Variants in MECOM observed in about 807,000 individuals in gnomAD.
The protein encoded by MECOM is histone-lysine N-methyltransferase MECOM.
MECOM carries 13 observed loss-of-function variants against 116.3 expected under a neutral mutation model. That is an observed-to-expected ratio of 0.11 (90% confidence interval 0.07 to 0.18). MECOM has a LOEUF of 0.18. MECOM is among the 10% of genes least tolerant of loss of function. The pLI, the probability that MECOM is intolerant of heterozygous loss-of-function variation, is 1.00. For synonymous variants in MECOM, 528 were observed against 535.2 expected (o/e 0.99, Z 0.19); for missense variants, 1,299 against 1,509.0 (o/e 0.86, Z 2.31).
In MECOM at chr3:169,663,250, C is replaced by G. The variant is rs997666188; in HGVS notation, c.37+86G>C. Reference sequence around the variant, plus strand: ...CGGGGCCCCGGCGCAAGAGGCAGCCCGCGCTCCCTCCCGGAGCGCTAGAGA... The same window carrying G: ...CGGGGCCCCGGCGCAAGAGGCAGCCGGCGCTCCCTCCCGGAGCGCTAGAGA... On this transcript the variant is annotated intron_variant, in intron 1 of 16. Coordinates refer to ENST00000651503, the MANE Select transcript of MECOM (RefSeq NM_004991.4). 6 of 1,492,148 alleles carry G rather than the reference C, an allele frequency of 4.0e-6. No homozygotes were observed. In the African/African-American group the frequency reaches 5.6e-5, roughly 14 times the overall value. 92.4% of individuals were successfully genotyped at this position (1,492,148 alleles called of 1,614,324 possible). A position where few individuals can be genotyped will look rare whatever the true frequency, so the allele number is the denominator to read the frequency against.
intron 10 of MECOM, among the ~76,000 whole-genome samples, chr3:169,106,832 T>A (rs975010671): frequency 3.3e-5 from 5 of 152,130 alleles, no homozygotes; most frequent in Non-Finnish European, 7.4e-5. Flanking sequence ...ACTGGAAATG[T>A]AGGCCAGGAT....
chr3:169,573,032 G>A (rs1764102765), intron 1 of MECOM, among the ~76,000 whole-genome samples: 1 of 152,140 alleles, frequency 6.6e-6, no homozygotes, highest in African/African-American at 2.4e-5. Context: ...ATCAAAACTG[G>A]GCCATGTTGA....
intron 1 of MECOM, among the ~76,000 whole-genome samples, chr3:169,449,465 T>C (rs1745189257): frequency 6.6e-6 from 1 of 152,216 alleles, no homozygotes; most frequent in Non-Finnish European, 1.5e-5. Context: ...TATTCTTTAG[T>C]TCCTCCTAGG....
chr3:169,566,048 T>A (rs1306706518), intron 1 of MECOM: 1 of 407,968 alleles, frequency 2.5e-6, no homozygotes, highest in Non-Finnish European at 4.8e-6. Flanking sequence ...CTTCTTCACA[T>A]GGAGGCAGGA....
At chr3:169,355,997 A>C (rs980021728) in intron 2 of MECOM, among the ~76,000 whole-genome samples, 2 of 151,892 alleles carry the variant, frequency 1.3e-5, no homozygotes, top group East Asian at 3.9e-4. Flanking sequence ...CAAAGGTCTT[A>C]GTTTTTAATT....
intron 2 of MECOM, among the ~76,000 whole-genome samples, chr3:169,273,283 C>G (rs921228088): frequency 6.6e-6 from 1 of 152,142 alleles, no homozygotes; most frequent in African/African-American, 2.4e-5. Context: ...CACCTGCATA[C>G]TCAAAATCAC....
At chr3:169,481,591 A>G (rs1423481544) in intron 1 of MECOM, among the ~76,000 whole-genome samples, 2 of 152,044 alleles carry the variant, frequency 1.3e-5, no homozygotes, top group Non-Finnish European at 2.9e-5. Context: ...AAAAAAAACT[A>G]AAAACTTTTC....
At chr3:169,193,486 T>A (rs2149430693) in intron 2 of MECOM, among the ~76,000 whole-genome samples, 1 of 152,012 alleles carries the variant, frequency 6.6e-6, no homozygotes, top group South Asian at 2.1e-4. Context: ...TTAAAATAAA[T>A]AAATTTTCCT....
intron 1 of MECOM, among the ~76,000 whole-genome samples, chr3:169,422,736 T>C (rs769451022): frequency 6.6e-6 from 1 of 152,114 alleles, no homozygotes; most frequent in Non-Finnish European, 1.5e-5. Context: ...ATCATATGCA[T>C]AACGCAGTGA....
At chr3:169,495,302 G>A (rs1753676353) in intron 1 of MECOM, among the ~76,000 whole-genome samples, 1 of 152,214 alleles carries the variant, frequency 6.6e-6, no homozygotes, top group Non-Finnish European at 1.5e-5. Flanking sequence ...ATAATTGTAT[G>A]TGGGGGAGGA....
intron 14 of MECOM, among the ~76,000 whole-genome samples, chr3:169,092,071 G>A (rs1719904391): frequency 2.6e-5 from 4 of 152,060 alleles, no homozygotes; most frequent in Admixed American, 2.6e-4. Flanking sequence ...AAATCCAGTA[G>A]TTTTGGTGAA....
intron 2 of MECOM, among the ~76,000 whole-genome samples, chr3:169,290,708 G>T (rs1321760564): frequency 6.6e-6 from 1 of 152,152 alleles, no homozygotes; most frequent in Non-Finnish European, 1.5e-5. Context: ...GAATAGAATT[G>T]TACCATAAAA....
At position 169,488,275 on chromosome 3, in the gene MECOM, G is replaced by A. The variant is rs1027845070; in HGVS notation, c.38-106751C>T. ...GGCACGGTAGTTCACACCTATAATC[G>A]TAGCACTTTGGGAGGCCAAGATGGG... On this transcript the variant is annotated intron_variant, in intron 1 of 16. Transcript: ENST00000651503. 1.6e-4 allele frequency among the ~76,000 whole-genome samples: 24 copies of A among 150,074 alleles called. 1 individual carries two copies. Among genetic ancestry groups the A allele is most frequent in the African/African-American group, 4.9e-4 (20 of 40,812 alleles).
chr3:169,536,850 G>C (rs1266029892), intron 1 of MECOM, among the ~76,000 whole-genome samples: 1 of 152,150 alleles, frequency 6.6e-6, no homozygotes. Context: ...CTATGTGCCT[G>C]TAATTGATTT....
intron 2 of MECOM, among the ~76,000 whole-genome samples, chr3:169,197,757 G>A (rs1288415461): frequency 6.6e-6 from 1 of 151,950 alleles, no homozygotes; most frequent in Non-Finnish European, 1.5e-5. Context: ...ACTCAATAAA[G>A]AATAAGGGTT....
At chr3:169,276,741 T>C (rs1180166731) in intron 2 of MECOM, among the ~76,000 whole-genome samples, 1 of 152,176 alleles carries the variant, frequency 6.6e-6, no homozygotes, top group Non-Finnish European at 1.5e-5. Flanking sequence ...TAAGAAGATC[T>C]GGTGCAGCAT....
chr3:169,203,531 T>C (rs948274780), intron 2 of MECOM, among the ~76,000 whole-genome samples: 4 of 152,152 alleles, frequency 2.6e-5, no homozygotes, highest in Non-Finnish European at 4.4e-5. Context: ...ATAATGCACA[T>C]GAATACACTT....
intron 2 of MECOM, among the ~76,000 whole-genome samples, chr3:169,333,578 AG>A (rs1229513463): frequency 6.6e-6 from 1 of 152,176 alleles, no homozygotes; most frequent in Non-Finnish European, 1.5e-5. Context: ...GCCGAATAAA[AG>A]TTTCAGATAT....
chr3:169,172,667 T>C (rs907178458), intron 2 of MECOM, among the ~76,000 whole-genome samples: 1 of 152,150 alleles, frequency 6.6e-6, no homozygotes, highest in Non-Finnish European at 1.5e-5. Flanking sequence ...GAGGAATGGA[T>C]GTGAAGATTT....
Sources: gnomAD v4.1 joint callset for allele counts (sites outside exome capture counted in the v4.1 genomes callset) on GRCh38, gnomAD v4.1.1 for gene constraint, MANE v1.5 for transcripts, NCBI Gene and HGNC (gene_info 2026-07-23, HGNC 2026-07-21) for gene names.